Variants in ENOSF1 observed in about 807,000 individuals in gnomAD.
The protein encoded by ENOSF1 is mitochondrial enolase superfamily member 1.
Under a neutral mutation model 68.2 loss-of-function variants are expected in ENOSF1, and 73 were observed. That is an observed-to-expected ratio of 1.07 (90% CI 0.89 to 1.30). The LOEUF (loss-of-function observed/expected upper bound fraction) is 1.30. ENOSF1 is among the 50% of genes most tolerant of loss of function. The pLI is 0.00. For synonymous variants in ENOSF1, 223 were observed against 210.4 expected (o/e 1.06, Z -0.52); for missense variants, 589 against 554.5 (o/e 1.06, Z -0.62).
At chr18:667,346 AGATGGT>A (rs1275104027), downstream of ENOSF1, among the ~76,000 whole-genome samples, 9 of 8,606 alleles carry the variant, frequency 1.0e-3, 1 homozygote, top group Non-Finnish European at 1.9e-3. Flanking sequence ...ATGGTGATGG[AGATGGT>A]GATGGTGATG....
At chr18:705,332 A>G (rs1008698045) in intron 2 of ENOSF1, among the ~76,000 whole-genome samples, 2 of 152,188 alleles carry the variant, frequency 1.3e-5, no homozygotes, top group African/African-American at 4.8e-5. Context: ...ACTGTTTTGG[A>G]CTTCTTGAAT....
chr18:666,915 T>A (rs112999476), downstream of ENOSF1, among the ~76,000 whole-genome samples: 1,162 of 59,488 alleles, frequency 0.02, 156 homozygotes, highest in East Asian at 0.12. Context: ...ATGGTGATGG[T>A]GATGGAGATG....
At position 670,392 on chromosome 18, in the gene ENOSF1, T is replaced by C; in HGVS notation, c.*3913A>G. The C allele has an allele frequency of 3.5e-6, 1 of 286,266 alleles. No individual in the cohort carries two copies. Among genetic ancestry groups the C allele is most frequent in the East Asian group, 7.2e-5 (1 of 13,910 alleles). The allele number at this position is 286,266 out of a possible 1,614,324, so 17.7% of individuals were successfully genotyped here. A position where few individuals can be genotyped will look rare whatever the true frequency, so the allele number is the denominator to read the frequency against. ...CACCAGTTTCCTGTGGCAAACAGAA[T>C]TATTCCTGCTGTATTTGTAATCTGG... On this transcript the variant is annotated 3_prime_UTR_variant, in exon 16 of 16. Transcript: ENST00000647584.
chr18:693,568 A>G lies in ENOSF1; in HGVS notation c.423+314T>C, dbSNP rs1012979919. 4 of 985,092 alleles carry G rather than the reference A, an allele frequency of 4.1e-6. No homozygotes were observed. The African/African-American group carries it at 7.0e-5, about 17-fold the overall frequency. 61.0% of individuals were successfully genotyped at this position (985,092 alleles called of 1,614,324 possible). On this transcript the variant is annotated intron_variant, in intron 5 of 15. Transcript: ENST00000647584. ...CTTTAATTTTGTGAGGTTCCTAGAG[A>G]AGTTAGGATGATCCTCTTGTCATAG... is the stretch of plus-strand genomic sequence containing the variant.
In ENOSF1 at chr18:691,161, C is replaced by G. The variant is rs1463560132; in HGVS notation, c.496+43G>C. 3.7e-6 allele frequency: 6 copies of G among 1,613,056 alleles called. No individual in the cohort carries two copies. The African/African-American group carries it at 5.3e-5, about 14-fold the overall frequency. ...TTTTAGGAAACAAAGCATGCCACTA[C>G]TGTGTGTGCACGTCGTGTATCCCAG... On this transcript the variant is annotated intron_variant, in intron 6 of 15. Coordinates refer to ENST00000647584, the MANE Select transcript of ENOSF1 (RefSeq NM_017512.7).
intron 15 of ENOSF1, among the ~76,000 whole-genome samples, chr18:674,617 C>T (rs1012850272): frequency 3.3e-5 from 5 of 152,174 alleles, no homozygotes; most frequent in Admixed American, 6.5e-5. Flanking sequence ...CTCCCAGGTT[C>T]AAGTGATTCT....
intron 9 of ENOSF1, 176 bp downstream of exon 9, chr18:688,398 C>A: frequency 1.5e-6 from 1 of 664,080 alleles, no homozygotes. Context: ...GGACTCACAT[C>A]CTGCCTTTAG....
intron 7 of ENOSF1, 183 bp from the exon 8 acceptor site, chr18:690,814 C>CT: frequency 1.4e-6 from 2 of 1,451,436 alleles, no homozygotes; most frequent in Non-Finnish European, 1.8e-6. Context: ...CTCTCACGGA[C>CT]TGCCCTGCTC....
intron 5 of ENOSF1, chr18:692,494 G>T (rs567513291): frequency 6.0e-6 from 1 of 165,404 alleles, no homozygotes; most frequent in African/African-American, 2.4e-5. Context: ...TGTAATCCCA[G>T]CTACTCAGGA....
At chr18:709,726 G>C (rs958758356) in intron 1 of ENOSF1, among the ~76,000 whole-genome samples, 1 of 151,910 alleles carries the variant, frequency 6.6e-6, no homozygotes, top group Non-Finnish European at 1.5e-5. Context: ...AGATGAGATT[G>C]CACCACTGCA....
chr18:698,245 T>C (rs2077955620), intron 2 of ENOSF1, among the ~76,000 whole-genome samples: 1 of 152,240 alleles, frequency 6.6e-6, no homozygotes, highest in African/African-American at 2.4e-5. Flanking sequence ...TAAATATAAA[T>C]GTTCCCAAAT....
At chr18:664,805 T>C in the ENOSF1 span, among the ~76,000 whole-genome samples, 22 of 149,718 alleles carry the variant, frequency 1.5e-4, no homozygotes, top group African/African-American at 5.5e-4. Context: ...GATCTGTTTA[T>C]ATGCTGGATT....
intron 10 of ENOSF1, among the ~76,000 whole-genome samples, chr18:684,261 C>T (rs2076408687): frequency 6.6e-6 from 1 of 152,068 alleles, no homozygotes; most frequent in African/African-American, 2.4e-5. Flanking sequence ...TCCCAAAGTG[C>T]TGGGATTACA....
At chr18:667,650 G>A (rs1440014645), downstream of ENOSF1, 6 of 152,096 alleles carry the variant, frequency 3.9e-5, no homozygotes, top group African/African-American at 9.7e-5. Context: ...CATCAGGAAC[G>A]TGCTTAATGC....
intron 1 of ENOSF1, among the ~76,000 whole-genome samples, chr18:709,128 T>C (rs1281384070): frequency 6.6e-6 from 1 of 151,792 alleles, no homozygotes; most frequent in Non-Finnish European, 1.5e-5. Context: ...AGCATGAAGG[T>C]GAAAAACCAA....
chr18:702,264 C>A (rs1461497106), intron 2 of ENOSF1, among the ~76,000 whole-genome samples: 12 of 65,774 alleles, frequency 1.8e-4, no homozygotes, highest in Admixed American at 2.2e-4. Context: ...AACTACATCT[C>A]AAAAAAAAAA....
chr18:677,344 C>T lies in ENOSF1; in HGVS notation c.1148+1G>A. 3 of 1,612,342 alleles carry T rather than the reference C, an allele frequency of 1.9e-6. No individual in the cohort carries two copies. Among genetic ancestry groups the T allele is most frequent in the Non-Finnish European group, 8.5e-7 (1 of 1,178,792 alleles). On this transcript the variant is annotated splice_donor_variant, in intron 14 of 15. Transcript: ENST00000647584. LOFTEE classifies it high-confidence loss of function. ...GAAAGTATTAATGCCACATTACTGA[C>T]CTATTTTCAAGGCTTGCAGAAACTG...
chr18:690,594 C>T lies in ENOSF1; in HGVS notation c.573G>A (p.Thr191=), dbSNP rs749253481. The T allele has an allele frequency of 4.7e-5, 76 of 1,613,798 alleles. No individual in the cohort carries two copies. The highest frequency in any genetic ancestry group is 6.7e-5 in the Admixed American group (4 of 59,988). ...AGTACCCCAGCCAGGCGCACGATGT[C>T]GTGTAAGCAGGGTATCCTTGTGCCA... The part of the protein sequence containing the change: ...QMLAQGYPAY[T]TSCAWLGYSD... Residue 191 remains threonine (T), a synonymous_variant, in exon 8 of 16, where the codon ACG becomes ACA. Coordinates refer to ENST00000647584, the MANE Select transcript of ENOSF1 (RefSeq NM_017512.7).
downstream of ENOSF1, chr18:667,737 CAA>C (rs2074886617): frequency 6.6e-6 from 1 of 152,154 alleles, no homozygotes; most frequent in African/African-American, 2.4e-5. Context: ...CTGCGTGGGC[CAA>C]GTTACTTGTG....
Sources: allele counts gnomAD v4.1 joint callset (sites outside exome capture counted in the v4.1 genomes callset), GRCh38; gene constraint gnomAD v4.1.1; transcripts MANE v1.5; gene names NCBI Gene and HGNC (gene_info 2026-07-23, HGNC 2026-07-21).